Variants in PLCXD3 observed in about 807,000 individuals in gnomAD.
PLCXD3 encodes the protein phosphatidylinositol specific phospholipase C X domain containing 3.
Under a neutral mutation model 25.5 loss-of-function variants are expected in PLCXD3, and 19 were observed. The observed-to-expected ratio is 0.75, with a 90% confidence interval of 0.52 to 1.09. The LOEUF is 1.09. Ranked by LOEUF, PLCXD3 falls within the 50% of genes least tolerant of loss-of-function variation. PLCXD3 has a pLI of 0.00. For synonymous variants in PLCXD3, 174 were observed against 137.6 expected (o/e 1.26, Z -1.85); for missense variants, 411 against 388.1 (o/e 1.06, Z -0.50).
At chr5:41,450,976 A>G (rs914892902) in intron 1 of PLCXD3, among the ~76,000 whole-genome samples, 4 of 152,082 alleles carry the variant, frequency 2.6e-5, no homozygotes, top group Admixed American at 6.6e-5. Flanking sequence ...TGCTATCTCT[A>G]TGCCTAACTG....
chr5:41,480,666 A>T (rs1454978240), intron 1 of PLCXD3, among the ~76,000 whole-genome samples: 1 of 152,084 alleles, frequency 6.6e-6, no homozygotes, highest in Non-Finnish European at 1.5e-5. Flanking sequence ...CACTCCTGTA[A>T]TCCTAGCACT....
chr5:41,385,296 C>A (rs1165381240), intron 1 of PLCXD3, among the ~76,000 whole-genome samples: 11 of 151,972 alleles, frequency 7.2e-5, no homozygotes, highest in East Asian at 3.9e-4. Context: ...ACCTTTTATT[C>A]TTCTCTCATC....
intron 2 of PLCXD3, among the ~76,000 whole-genome samples, chr5:41,331,210 C>G (rs1397349138): frequency 6.6e-6 from 1 of 151,976 alleles, no homozygotes; most frequent in African/African-American, 2.4e-5. Flanking sequence ...TTGTCTCAGC[C>G]CAAAATCTCC....
intron 1 of PLCXD3, among the ~76,000 whole-genome samples, chr5:41,398,328 T>C (rs1746072877): frequency 1.3e-5 from 2 of 152,150 alleles, no homozygotes; most frequent in East Asian, 1.9e-4. Flanking sequence ...TGTAGAACTT[T>C]CCTGTTTCCT....
chr5:41,465,761 C>G (rs945898828), intron 1 of PLCXD3, among the ~76,000 whole-genome samples: 1 of 152,018 alleles, frequency 6.6e-6, no homozygotes, highest in Admixed American at 6.6e-5. Context: ...AACATCTATT[C>G]TTAGCTCTGC....
chr5:41,408,842 A>T (rs1746432843), intron 1 of PLCXD3, among the ~76,000 whole-genome samples: 1 of 152,198 alleles, frequency 6.6e-6, no homozygotes, highest in Non-Finnish European at 1.5e-5. Context: ...AAATGTAGTG[A>T]GTCAGGGAGA....
intron 1 of PLCXD3, among the ~76,000 whole-genome samples, chr5:41,471,808 C>CCCTTCCCTTCCCT (rs1561283143): frequency 1.3e-4 from 4 of 30,734 alleles, no homozygotes; most frequent in African/African-American, 1.5e-4. Flanking sequence ...TTCCCTTCCC[C>CCCTTCCCTTCCCT]TCCCCTCCCG....
intron 2 of PLCXD3, among the ~76,000 whole-genome samples, chr5:41,321,817 T>C (rs1743479643): frequency 1.3e-5 from 2 of 152,140 alleles, no homozygotes. Context: ...AAACACACAC[T>C]GGGGAAAAGA....
At chr5:41,455,307 G>C (rs185901025) in intron 1 of PLCXD3, among the ~76,000 whole-genome samples, 1 of 152,012 alleles carries the variant, frequency 6.6e-6, no homozygotes, top group East Asian at 1.9e-4. Context: ...TCATAACTGA[G>C]GATAATTGAG....
At chr5:41,352,787 A>AT (rs928594084) in intron 2 of PLCXD3, among the ~76,000 whole-genome samples, 6 of 151,764 alleles carry the variant, frequency 4.0e-5, no homozygotes, top group South Asian at 2.1e-4. Flanking sequence ...TAGCTGAGTA[A>AT]TTTTTTTTTA....
At chr5:41,358,402 G>A (rs72755983) in intron 2 of PLCXD3, among the ~76,000 whole-genome samples, 11,179 of 152,028 alleles carry the variant, frequency 0.074, 724 homozygotes, top group East Asian at 0.35. Flanking sequence ...TGCACCCGTC[G>A]CCTGAGCAGT....
chr5:41,465,351 G>GTC (rs1458026226), intron 1 of PLCXD3, among the ~76,000 whole-genome samples: 204 of 7,220 alleles, frequency 0.028, 3 homozygotes, highest in Non-Finnish European at 0.038. Flanking sequence ...ACTAGTTCTT[G>GTC]TCTTTTTTTT....
chr5:41,483,057 C>T (rs183807505), intron 1 of PLCXD3, among the ~76,000 whole-genome samples: 11 of 152,108 alleles, frequency 7.2e-5, no homozygotes, highest in Non-Finnish European at 1.6e-4. Flanking sequence ...TTTCACTTAG[C>T]GTAATATTCT....
At chr5:41,372,767 T>C (rs1219578343) in intron 2 of PLCXD3, among the ~76,000 whole-genome samples, 3 of 151,924 alleles carry the variant, frequency 2.0e-5, no homozygotes, top group Non-Finnish European at 1.5e-5. Context: ...TTCTTGGCCA[T>C]GCATGGTGGC....
chr5:41,390,846 G>A (rs1206892242), intron 1 of PLCXD3, among the ~76,000 whole-genome samples: 8 of 152,160 alleles, frequency 5.3e-5, no homozygotes, highest in South Asian at 2.1e-4. Flanking sequence ...AATGGCTGAC[G>A]CCACTCTTCC....
At position 41,446,176 on chromosome 5, in the gene PLCXD3, CAAAAAAAAAAAA is replaced by C. The variant is rs70988847; in HGVS notation, c.104-63654_104-63643del. Among the ~76,000 whole-genome samples the C allele has an allele frequency of 5.5e-4, 21 of 38,110 alleles. 1 individual carries two copies. The highest frequency in any genetic ancestry group is 8.5e-4 in the Non-Finnish European group (17 of 19,888). 25.0% of individuals were successfully genotyped at this position (38,110 alleles called of 152,430 possible). A position where few individuals can be genotyped will look rare whatever the true frequency, so the allele number is the denominator to read the frequency against. On this transcript the variant is annotated intron_variant, in intron 1 of 2. Transcript: ENST00000377801. ...TGGGCGACGGAGCCAGACTCCTTCTCAAAAAAAAAAAAAAAAAAAAAAAAAGAACAACGAGAG... is the reference window on the plus strand; with the variant it reads ...TGGGCGACGGAGCCAGACTCCTTCTCAAAAAAAAAAAAAGAACAACGAGAG...
At chr5:41,399,784 G>A (rs1233178412) in intron 1 of PLCXD3, among the ~76,000 whole-genome samples, 1 of 152,084 alleles carries the variant, frequency 6.6e-6, no homozygotes, top group Non-Finnish European at 1.5e-5. Context: ...CATGGTGTGG[G>A]CAAACATTTC....
At chr5:41,427,667 A>C (rs1746993947) in intron 1 of PLCXD3, among the ~76,000 whole-genome samples, 1 of 152,116 alleles carries the variant, frequency 6.6e-6, no homozygotes, top group South Asian at 2.1e-4. Context: ...CTGGGAGGTC[A>C]TTTTAAGTAA....
chr5:41,317,375 C>T (rs576144868), intron 2 of PLCXD3, among the ~76,000 whole-genome samples: 1 of 152,240 alleles, frequency 6.6e-6, no homozygotes, highest in South Asian at 2.1e-4. Flanking sequence ...TTCCAGAAGG[C>T]CTCCCTGAGA....
Sources: allele counts gnomAD v4.1 joint callset (sites outside exome capture counted in the v4.1 genomes callset), GRCh38; gene constraint gnomAD v4.1.1; transcripts MANE v1.5; gene names NCBI Gene and HGNC (gene_info 2026-07-23, HGNC 2026-07-21).